Variants in MED13L observed in about 807,000 individuals in gnomAD.
MED13L encodes the protein mediator complex subunit 13L, also known as mediator of RNA polymerase II transcription subunit 13-like.
In MED13L, 7 loss-of-function variants were observed where a neutral mutation model predicts 220.9. The ratio of observed to expected loss-of-function variants is 0.03; its 90% confidence interval spans 0.02 to 0.06. MED13L has a LOEUF of 0.06. MED13L is among the 10% of genes least tolerant of loss of function. The probability of loss-of-function intolerance (pLI) is 1.00; values close to 1 mark genes in which losing one functional copy is unlikely to be tolerated. For missense variants in MED13L, 1,965 were observed against 2,760.5 expected, an observed-to-expected ratio of 0.71 and a Z score of 6.46; for synonymous variants, 1,011 against 1,015.2, an observed-to-expected ratio of 1.00 and a Z score of 0.08.
At chr12:116,157,882 T>G (rs1878566952) in intron 2 of MED13L, among the ~76,000 whole-genome samples, 1 of 152,126 alleles carries the variant, frequency 6.6e-6, no homozygotes, top group Non-Finnish European at 1.5e-5. Flanking sequence ...ATAAAGTCAA[T>G]GCGAGGCAAG....
At chr12:116,232,098 C>A (rs1015843503) in intron 2 of MED13L, 6 of 985,362 alleles carry the variant, frequency 6.1e-6, no homozygotes, top group Non-Finnish European at 7.2e-6. Flanking sequence ...TTTTTCCAGG[C>A]TCTCTTATGT....
intron 2 of MED13L, among the ~76,000 whole-genome samples, chr12:116,215,751 G>A (rs1882954233): frequency 6.6e-6 from 1 of 152,090 alleles, no homozygotes. Flanking sequence ...CACCAGATGT[G>A]ATTAAAAATA....
intron 4 of MED13L, among the ~76,000 whole-genome samples, chr12:116,073,307 T>C (rs972568413): frequency 4.6e-5 from 7 of 152,222 alleles, no homozygotes; most frequent in Non-Finnish European, 7.3e-5. Context: ...TTCTTTCTAG[T>C]CTGGCTCCAG....
intron 27 of MED13L, 100 bp downstream of exon 27, chr12:115,970,485 CTGGGTTGTT>C: frequency 8.5e-7 from 1 of 1,173,622 alleles, no homozygotes; most frequent in African/African-American, 1.5e-5. Flanking sequence ...TTTATAGTTC[CTGGGTTGTT>C]TATTACAACA....
intron 2 of MED13L, among the ~76,000 whole-genome samples, chr12:116,144,085 A>G (rs939293931): frequency 3.9e-5 from 6 of 152,168 alleles, no homozygotes; most frequent in Admixed American, 6.5e-5. Context: ...CATACACAGC[A>G]CACAAGAAAG....
rs538855980 is a variant in MED13L at position 116,111,788 on chromosome 12, A to G, written c.311-276T>C. Among the ~76,000 whole-genome samples, 7 of 152,316 alleles carry G rather than the reference A, an allele frequency of 4.6e-5. No homozygotes were observed. The East Asian group carries it at 1.3e-3, about 29-fold the overall frequency. ...AAATGTCTTTACAATCTGCTTCTTC[A>G]AAGTTTAAAATCATTTAAAATTCTC... is the stretch of plus-strand genomic sequence containing the variant. On this transcript the variant is annotated intron_variant, in intron 2 of 30. Coordinates refer to ENST00000281928, the MANE Select transcript of MED13L (RefSeq NM_015335.5).
chr12:116,045,777 A>G (rs973398450), intron 4 of MED13L, among the ~76,000 whole-genome samples: 4 of 152,112 alleles, frequency 2.6e-5, no homozygotes, highest in African/African-American at 9.7e-5. Flanking sequence ...TTACAAGTAA[A>G]ATGGGAAAAG....
chr12:116,250,506 G>C (rs997870719), intron 1 of MED13L, among the ~76,000 whole-genome samples: 18 of 151,218 alleles, frequency 1.2e-4, no homozygotes, highest in African/African-American at 4.1e-4. Flanking sequence ...GCTCACACCT[G>C]TAATCCCAGC....
intron 2 of MED13L, among the ~76,000 whole-genome samples, chr12:116,154,350 T>G (rs1035217954): frequency 6.6e-6 from 1 of 152,116 alleles, no homozygotes; most frequent in African/African-American, 2.4e-5. Context: ...AAGTCTGGAG[T>G]TGGAACTCTT....
At chr12:116,078,302 ACT>A (rs2137721239) in intron 4 of MED13L, among the ~76,000 whole-genome samples, 1 of 152,336 alleles carries the variant, frequency 6.6e-6, no homozygotes, top group East Asian at 1.9e-4. Flanking sequence ...TTATTTTAAC[ACT>A]TTATAATTCA....
intron 2 of MED13L, among the ~76,000 whole-genome samples, chr12:116,224,650 G>A (rs1021693602): frequency 6.6e-6 from 1 of 152,052 alleles, no homozygotes; most frequent in Non-Finnish European, 1.5e-5. Context: ...ACACCTTACC[G>A]TTTGGGGTTT....
At chr12:116,234,951 C>T (rs536740436) in intron 2 of MED13L, among the ~76,000 whole-genome samples, 2 of 152,242 alleles carry the variant, frequency 1.3e-5, no homozygotes, top group Admixed American at 6.5e-5. Context: ...GCGTGAGCCA[C>T]CATGCTCCGC....
chr12:116,019,007 TAAC>T (rs1223158207), intron 7 of MED13L, among the ~76,000 whole-genome samples: 1 of 152,136 alleles, frequency 6.6e-6, no homozygotes, highest in Non-Finnish European at 1.5e-5. Context: ...AACTATTTAA[TAAC>T]AATAAAGACT....
chr12:115,993,845 G>A (rs916004088), intron 16 of MED13L, among the ~76,000 whole-genome samples: 2 of 152,142 alleles, frequency 1.3e-5, no homozygotes, highest in East Asian at 1.9e-4. Context: ...CTAGAAGCTG[G>A]ATAGTCAAAA....
intron 2 of MED13L, among the ~76,000 whole-genome samples, chr12:116,136,609 C>G (rs900378885): frequency 6.6e-6 from 1 of 152,198 alleles, no homozygotes; most frequent in African/African-American, 2.4e-5. Flanking sequence ...CAAAATTAAA[C>G]AGATTTGTTT....
chr12:116,237,216 G>A (rs1177471925), intron 2 of MED13L, among the ~76,000 whole-genome samples: 14 of 152,020 alleles, frequency 9.2e-5, no homozygotes, highest in Admixed American at 5.9e-4. Flanking sequence ...CCGCACCCAG[G>A]AGACACAATA....
intron 23 of MED13L, among the ~76,000 whole-genome samples, chr12:115,976,317 GAAT>G (rs1243799318): frequency 6.6e-6 from 1 of 152,070 alleles, no homozygotes; most frequent in Non-Finnish European, 1.5e-5. Flanking sequence ...AACAGAATCA[GAAT>G]ATTAAACAGC....
intron 2 of MED13L, among the ~76,000 whole-genome samples, chr12:116,155,001 A>AT (rs1878318197): frequency 6.6e-6 from 1 of 152,044 alleles, no homozygotes; most frequent in Non-Finnish European, 1.5e-5. Context: ...TAATTTCTGT[A>AT]TTTTTAGTAG....
chr12:116,113,761 A>AGGGGTAAGAGGGAGAGGGGAGGGAG (rs1874284358), intron 2 of MED13L, among the ~76,000 whole-genome samples: 1 of 72,084 alleles, frequency 1.4e-5, no homozygotes, highest in Admixed American at 1.5e-4. Context: ...AAGGGGAGGG[A>AGGGGTAAGAGGGAGAGGGGAGGGAG]GGGGTAAGAG....
Sources: gnomAD v4.1 joint callset for allele counts (sites outside exome capture counted in the v4.1 genomes callset) on GRCh38, gnomAD v4.1.1 for gene constraint, MANE v1.5 for transcripts, NCBI Gene and HGNC (gene_info 2026-07-23, HGNC 2026-07-21) for gene names.